CRMP1: variants seen among roughly 807,000 people sequenced by gnomAD.
CRMP1 encodes the protein collapsin response mediator protein 1, also known as dihydropyrimidinase-related protein 1.
CRMP1 carries 19 observed loss-of-function variants against 68.3 expected under a neutral mutation model. That is an observed-to-expected ratio of 0.28 (90% confidence interval 0.19 to 0.41). CRMP1 has a LOEUF of 0.41. Among genes scored for constraint, CRMP1 ranks in the 10% least tolerant of loss-of-function variants. The pLI is 1.00. For synonymous variants in CRMP1, 439 were observed against 399.6 expected (o/e 1.10, Z -1.18); for missense variants, 791 against 967.4 (o/e 0.82, Z 2.42).
intron 11 of CRMP1, among the ~76,000 whole-genome samples, chr4:5,835,387 T>C (rs1720664298): frequency 6.6e-6 from 1 of 152,152 alleles, no homozygotes; most frequent in South Asian, 2.1e-4. Flanking sequence ...GGTTGCTGGA[T>C]GAGTGGAGAA....
rs769731366 is a variant in CRMP1 at position 5,856,207 on chromosome 4, G to A, written c.756C>T (p.His252=). 5.6e-6 allele frequency: 9 copies of A among 1,614,006 alleles called. No individual in the cohort carries two copies. Among genetic ancestry groups the A allele is most frequent in the Middle Eastern group, 1.7e-4 (1 of 6,060 alleles). Residue 252 remains histidine (H), a synonymous_variant, in exon 4 of 14, where the codon CAC becomes CAT. Coordinates refer to ENST00000324989, the MANE Select transcript of CRMP1 (RefSeq NM_001014809.3). ...CATCGTACCAGCTTGTGATGTCCAC[G>A]TGGAGGGAGTAATCACAGCAGGATT... ...DTKSCCDYSL[H]VDITSWYDGV... is the part of the protein sequence containing the mutation.
chr4:5,857,518 C>T (rs1398779345), intron 3 of CRMP1, among the ~76,000 whole-genome samples: 2 of 152,178 alleles, frequency 1.3e-5, no homozygotes, highest in Admixed American at 1.3e-4. Context: ...ATCATCATCA[C>T]CATCATCATA....
intron 1 of CRMP1, among the ~76,000 whole-genome samples, chr4:5,874,809 C>T (rs1034233783): frequency 3.3e-5 from 5 of 152,198 alleles, no homozygotes; most frequent in Admixed American, 2.0e-4. Flanking sequence ...TACATGGACA[C>T]ATAATAAATC....
At chr4:5,836,180 T>C in intron 10 of CRMP1, 95 bp from the exon 11 acceptor site, 1 of 1,159,064 alleles carries the variant, frequency 8.6e-7, no homozygotes, top group Non-Finnish European at 1.1e-6. Context: ...GCTGAGGCCT[T>C]GCAAGGCTTG....
At position 5,883,961 on chromosome 4, in the gene CRMP1, T is replaced by A. The variant is rs913256914; in HGVS notation, c.381+8628A>T. On this transcript the variant is annotated intron_variant, in intron 1 of 13. Transcript: ENST00000324989. This position sits in a 1 kb window ranked among gnomAD's most constrained non-coding sequence, Gnocchi z 4.5. The stretch of plus-strand genomic sequence containing the variant: ...ATTTGATTTAAACAAAATAATGTTT[T>A]CCCTAAAAATGGTCCACTTCTTCCT... 6.6e-6 allele frequency among the ~76,000 whole-genome samples: 1 copy of A among 152,198 alleles called. No homozygotes were observed. Among genetic ancestry groups the A allele is most frequent in the African/African-American group, 2.4e-5 (1 of 41,448 alleles).
At position 5,883,708 on chromosome 4, in the gene CRMP1, C is replaced by T. The variant is rs931190003; in HGVS notation, c.381+8881G>A. On this transcript the variant is annotated intron_variant, in intron 1 of 13. Transcript: ENST00000324989. The surrounding 1 kb of genome is among the most constrained non-coding windows in gnomAD (Gnocchi z 4.5). ...CTTGCCCACCACACCTGCTGGTTAG[C>T]TACCATTCTGAATTTTCATTTCCTC... Among the ~76,000 whole-genome samples the T allele has an allele frequency of 2.0e-5, 3 of 151,698 alleles. No homozygotes were observed. Among genetic ancestry groups the T allele is most frequent in the African/African-American group, 4.9e-5 (2 of 41,112 alleles).
intron 1 of CRMP1, among the ~76,000 whole-genome samples, chr4:5,880,172 G>C (rs1395964398): frequency 6.6e-6 from 1 of 152,232 alleles, no homozygotes; most frequent in Non-Finnish European, 1.5e-5. Flanking sequence ...CCTGTCATTG[G>C]AGGTATGCAG....
Position 5,858,138 on chromosome 4 carries a change from C to G in CRMP1, c.656-1831G>C, listed in dbSNP as rs1713270302. On this transcript the variant is annotated intron_variant, in intron 3 of 13. Transcript: ENST00000324989. This position sits in a 1 kb window ranked among gnomAD's most constrained non-coding sequence, Gnocchi z 5.5. Reference sequence around the variant, plus strand: ...CCTCCTTCCTTAAACTCGCTTCTCTCCAGCTTCCATGGCAACGCCACCTTC... The same window carrying G: ...CCTCCTTCCTTAAACTCGCTTCTCTGCAGCTTCCATGGCAACGCCACCTTC... 6.6e-6 allele frequency among the ~76,000 whole-genome samples: 1 copy of G among 152,150 alleles called. No individual in the cohort carries two copies. The highest frequency in any genetic ancestry group is 1.5e-5 in the Non-Finnish European group (1 of 68,016).
At chr4:5,876,074 G>T (rs1212840279) in intron 1 of CRMP1, among the ~76,000 whole-genome samples, 1 of 151,622 alleles carries the variant, frequency 6.6e-6, no homozygotes, top group East Asian at 1.9e-4. Context: ...AATGGCATGA[G>T]CCCGGGAGGC....
At chr4:5,880,441 A>C (rs922322382) in intron 1 of CRMP1, among the ~76,000 whole-genome samples, 3 of 152,212 alleles carry the variant, frequency 2.0e-5, no homozygotes, top group African/African-American at 7.2e-5. Context: ...AATTTCCTCA[A>C]ATAGCCACCT....
chr4:5,847,825 A>G (rs188279774), intron 6 of CRMP1, among the ~76,000 whole-genome samples: 12 of 152,320 alleles, frequency 7.9e-5, no homozygotes, highest in African/African-American at 2.9e-4. Context: ...GGGAATAATT[A>G]TATCTACCTC....
Position 5,860,889 on chromosome 4 carries a change from T to A in CRMP1, c.655+137A>T. 1 of 832,094 alleles carries A rather than the reference T, an allele frequency of 1.2e-6. No homozygotes were observed. The highest frequency in any genetic ancestry group is 1.8e-6 in the Non-Finnish European group (1 of 546,660). The allele number at this position is 832,094 out of a possible 1,614,324, so 51.5% of individuals were successfully genotyped here. A position where few individuals can be genotyped will look rare whatever the true frequency, so the allele number is the denominator to read the frequency against. ...ATGCTCTGTAAAACAGTGACCTGTG[T>A]CATAGGGCTGGGGGGAGAATGAAAT... is the stretch of plus-strand genomic sequence containing the variant. On this transcript the variant is annotated intron_variant, in intron 3 of 13. Coordinates refer to ENST00000324989, the MANE Select transcript of CRMP1 (RefSeq NM_001014809.3). The surrounding 1 kb of genome is among the most constrained non-coding windows in gnomAD (Gnocchi z 4.2).
chr4:5,836,936 G>A, intron 9 of CRMP1, 30 bp from the exon 10 acceptor site: 1 of 1,578,308 alleles, frequency 6.3e-7, no homozygotes, highest in Non-Finnish European at 8.6e-7. Flanking sequence ...GTAGAGTTCA[G>A]ACCCTAGTTC....
Position 5,838,364 on chromosome 4 carries a change from C to CAG in CRMP1, c.1310+1156_1310+1157dup, listed in dbSNP as rs1296074531. The stretch of plus-strand genomic sequence containing the variant: ...GTTGCAGGGACTTGGGTTTCACTGG[C>CAG]AGAGGACTTACTGGTTCCAAGCAGA... On this transcript the variant is annotated intron_variant, in intron 9 of 13. Coordinates refer to ENST00000324989, the MANE Select transcript of CRMP1 (RefSeq NM_001014809.3). This position sits in a 1 kb window ranked among gnomAD's most constrained non-coding sequence, Gnocchi z 4.9. 6.6e-6 allele frequency among the ~76,000 whole-genome samples: 1 copy of CAG among 151,754 alleles called. No individual in the cohort carries two copies. The highest frequency in any genetic ancestry group is 6.6e-5 in the Admixed American group (1 of 15,250).
rs774222507 is a variant in CRMP1, at chr4:5,890,028, C to T, written c.381+2561G>A. On this transcript the variant is annotated intron_variant, in intron 1 of 13. Transcript: ENST00000324989. This position sits in a 1 kb window ranked among gnomAD's most constrained non-coding sequence, Gnocchi z 5.5. Reference sequence around the variant, plus strand: ...CATGGAGATGCCAGGTTCCCCTACACTCTGTTTACAACTCATTTCCCTCCA... The same window carrying T: ...CATGGAGATGCCAGGTTCCCCTACATTCTGTTTACAACTCATTTCCCTCCA... 3 of 788,800 alleles carry T rather than the reference C, an allele frequency of 3.8e-6. No homozygotes were observed. The highest frequency in any genetic ancestry group is 1.8e-5 in the African/African-American group (1 of 56,406). 48.9% of individuals were successfully genotyped at this position (788,800 alleles called of 1,614,324 possible).
chr4:5,889,940 T>A lies in CRMP1; in HGVS notation c.381+2649A>T, dbSNP rs1477952889. The A allele has an allele frequency of 2.2e-6, 3 of 1,360,736 alleles. No individual in the cohort carries two copies. The African/African-American group carries it at 4.4e-5, about 20-fold the overall frequency. 84.3% of individuals were successfully genotyped at this position (1,360,736 alleles called of 1,614,324 possible). Reference sequence around the variant, plus strand: ...TTTTCCCATTTTACAGACAGGAAATTGAGGCTTACAGAGGTAAAATGATGT... The same window carrying A: ...TTTTCCCATTTTACAGACAGGAAATAGAGGCTTACAGAGGTAAAATGATGT... On this transcript the variant is annotated intron_variant, in intron 1 of 13. Transcript: ENST00000324989. This position sits in a 1 kb window ranked among gnomAD's most constrained non-coding sequence, Gnocchi z 4.5.
Position 5,828,568 on chromosome 4 carries a change from A to T in CRMP1, c.1724T>A (p.Val575Asp), listed in dbSNP as rs1720052860. 4 of 1,614,132 alleles carry T rather than the reference A, an allele frequency of 2.5e-6. No individual in the cohort carries two copies. Among genetic ancestry groups the T allele is most frequent in the Non-Finnish European group, 3.4e-6 (4 of 1,180,024 alleles). ...AATGAAGCGGCCCATGCCCTTGTTGACGTTGATGTTTCCGTCTTCAAAGAC... is the reference window on the plus strand; with the variant it reads ...AATGAAGCGGCCCATGCCCTTGTTGTCGTTGATGTTTCCGTCTTCAAAGAC... ...KIVFEDGNIN[V>D]NKGMGRFIPR... Residue 575 changes from valine to aspartate, a missense_variant, in exon 12 of 14, where the codon GTC becomes GAC. By Grantham distance (152) the Val-to-Asp change is radical. Transcript: ENST00000324989.
At position 5,821,710 on chromosome 4, in the gene CRMP1, T is replaced by G. The variant is rs1281768072; in HGVS notation, c.*50A>C. On this transcript the variant is annotated 3_prime_UTR_variant, in exon 14 of 14. Coordinates refer to ENST00000324989, the MANE Select transcript of CRMP1 (RefSeq NM_001014809.3). The surrounding 1 kb of genome is among the most constrained non-coding windows in gnomAD (Gnocchi z 4.4). Reference sequence around the variant, plus strand: ...TCAAAAACACTGACAGGAAAAGGGATGGACATGATTCCCAGAATCCTTCAG... The same window carrying G: ...TCAAAAACACTGACAGGAAAAGGGAGGGACATGATTCCCAGAATCCTTCAG... 6.6e-7 allele frequency: 1 copy of G among 1,514,732 alleles called. No individual in the cohort carries two copies. The allele number at this position is 1,514,732 out of a possible 1,614,324, so 93.8% of individuals were successfully genotyped here. A position where few individuals can be genotyped will look rare whatever the true frequency, so the allele number is the denominator to read the frequency against.
intron 13 of CRMP1, among the ~76,000 whole-genome samples, chr4:5,822,887 C>T (rs1718894833): frequency 6.6e-6 from 1 of 152,218 alleles, no homozygotes; most frequent in Admixed American, 6.5e-5. Flanking sequence ...GCACAAAGCC[C>T]TCTTCGGCAC....
Sources: allele counts gnomAD v4.1 joint callset (sites outside exome capture counted in the v4.1 genomes callset), GRCh38; gene constraint gnomAD v4.1.1; non-coding constraint Gnocchi (gnomAD v3.1); transcripts MANE v1.5; gene names NCBI Gene and HGNC (gene_info 2026-07-23, HGNC 2026-07-21).